Variants in EYA3 observed in about 807,000 individuals in gnomAD.
The protein encoded by EYA3 is protein phosphatase EYA3.
Under a neutral mutation model 80.0 loss-of-function variants are expected in EYA3, and 39 were observed. The ratio of observed to expected loss-of-function variants is 0.49; its 90% CI spans 0.38 to 0.64. EYA3 has a LOEUF of 0.64. Among genes scored for constraint, EYA3 ranks in the 30% least tolerant of loss-of-function variants. The pLI is 0.00. For missense variants in EYA3, 523 were observed against 676.1 expected (o/e 0.77, Z 2.51); for synonymous variants, 206 against 232.8 (o/e 0.88, Z 1.05).
intron 1 of EYA3, among the ~76,000 whole-genome samples, chr1:28,079,287 A>G (rs1373784024): frequency 6.6e-6 from 1 of 152,236 alleles, no homozygotes; most frequent in Non-Finnish European, 1.5e-5. Flanking sequence ...TTGTGATTAC[A>G]GGAAACGAAT....
chr1:28,045,893 A>C (rs12738734), intron 3 of EYA3, among the ~76,000 whole-genome samples: 27,236 of 152,176 alleles, frequency 0.18, 3,038 homozygotes, highest in East Asian at 0.24. Flanking sequence ...GAATGGATAA[A>C]GAAAATGCGG....
intron 1 of EYA3, among the ~76,000 whole-genome samples, chr1:28,088,004 A>C (rs1248929450): frequency 3.3e-5 from 5 of 152,208 alleles, no homozygotes; most frequent in Non-Finnish European, 7.3e-5. Flanking sequence ...GAAGAACCCC[A>C]GGAGAAGCAC....
chr1:27,987,644 A>G (rs1311500535), intron 16 of EYA3, among the ~76,000 whole-genome samples: 3 of 151,978 alleles, frequency 2.0e-5, no homozygotes, highest in Non-Finnish European at 2.9e-5. Context: ...AATCTTACCA[A>G]CAGTGCACAA....
intron 1 of EYA3, among the ~76,000 whole-genome samples, chr1:28,063,533 C>T (rs935845569): frequency 4.0e-5 from 6 of 151,312 alleles, no homozygotes; most frequent in Non-Finnish European, 7.4e-5. Context: ...ATTTTTGTAG[C>T]GATGGGGTTT....
intron 1 of EYA3, among the ~76,000 whole-genome samples, chr1:28,065,504 G>A (rs1436118279): frequency 2.6e-5 from 4 of 151,314 alleles, no homozygotes; most frequent in Admixed American, 1.3e-4. Flanking sequence ...ATCATGATCC[G>A]CCCGCCTCGG....
chr1:28,034,891 A>T (rs1051373120), intron 6 of EYA3, among the ~76,000 whole-genome samples: 3 of 152,206 alleles, frequency 2.0e-5, no homozygotes, highest in African/African-American at 7.2e-5. Context: ...AATGAAGCAC[A>T]CTGCATTTAC....
chr1:27,998,245 A>G, intron 12 of EYA3: 1 of 817,876 alleles, frequency 1.2e-6, no homozygotes. Flanking sequence ...GAAGCTCCCC[A>G]GGTGATTCTT....
At chr1:28,084,556 AATATATATATATATATAT>A (rs1553159800) in intron 1 of EYA3, among the ~76,000 whole-genome samples, 577 of 32,714 alleles carry the variant, frequency 0.018, 11 homozygotes, top group East Asian at 0.082. Context: ...ACTATTCCAA[AATATATATATATATATAT>A]ATATATATAT....
At chr1:28,008,312 T>G (rs1361942068) in intron 10 of EYA3, among the ~76,000 whole-genome samples, 3 of 152,042 alleles carry the variant, frequency 2.0e-5, no homozygotes, top group Admixed American at 6.6e-5. Context: ...ACAGCCTAAA[T>G]TTAAGAGCTA....
At chr1:28,072,487 T>C (rs1645051537) in intron 1 of EYA3, among the ~76,000 whole-genome samples, 1 of 152,024 alleles carries the variant, frequency 6.6e-6, no homozygotes, top group Non-Finnish European at 1.5e-5. Context: ...TATATATGTA[T>C]ATATGATACC....
chr1:28,043,388 T>C (rs548581973), intron 3 of EYA3, among the ~76,000 whole-genome samples: 1 of 150,826 alleles, frequency 6.6e-6, no homozygotes, highest in East Asian at 1.9e-4. Flanking sequence ...AATTCTGAAA[T>C]ATACAATGCT....
intron 4 of EYA3, among the ~76,000 whole-genome samples, chr1:28,041,656 A>G (rs1337829043): frequency 2.6e-5 from 4 of 152,034 alleles, no homozygotes; most frequent in Non-Finnish European, 4.4e-5. Flanking sequence ...CAAATGAACC[A>G]AAGTTTTTAT....
Position 28,058,105 on chromosome 1 carries a change from AAAG to A in EYA3, c.-68-14_-68-12del, listed in dbSNP as rs2148898952. ...AGCAGTTTTCACAATCTGTTTTTAA[AAAG>A]GAGGATTCAAAGCTTTATACACTCT... On this transcript the variant is annotated splice_polypyrimidine_tract_variant and intron_variant, in intron 1 of 17. Coordinates refer to ENST00000373871, the MANE Select transcript of EYA3 (RefSeq NM_001990.4). 3 of 1,223,814 alleles carry A rather than the reference AAAG, an allele frequency of 2.5e-6. No homozygotes were observed. In the East Asian group the frequency reaches 7.2e-5, roughly 30 times the overall value. The allele number at this position is 1,223,814 out of a possible 1,614,324, so 75.8% of individuals were successfully genotyped here. A position where few individuals can be genotyped will look rare whatever the true frequency, so the allele number is the denominator to read the frequency against.
intron 7 of EYA3, among the ~76,000 whole-genome samples, chr1:28,025,334 A>C (rs918806412): frequency 6.6e-6 from 1 of 152,224 alleles, no homozygotes; most frequent in African/African-American, 2.4e-5. Context: ...AAGTGAATTT[A>C]GATATTTGTT....
At chr1:28,003,299 A>G (rs1187208563) in intron 11 of EYA3, among the ~76,000 whole-genome samples, 1 of 151,420 alleles carries the variant, frequency 6.6e-6, no homozygotes, top group African/African-American at 2.4e-5. Flanking sequence ...AACAACAACA[A>G]CAACAACAAC....
intron 3 of EYA3, among the ~76,000 whole-genome samples, chr1:28,047,699 C>T (rs1257600431): frequency 2.0e-5 from 3 of 147,606 alleles, no homozygotes; most frequent in Non-Finnish European, 4.4e-5. Flanking sequence ...AGTGCAGTGG[C>T]GCGATCTCAG....
chr1:28,036,844 G>C (rs1234026519), intron 5 of EYA3, among the ~76,000 whole-genome samples: 1 of 152,012 alleles, frequency 6.6e-6, no homozygotes, highest in East Asian at 1.9e-4. Context: ...GTGTTTTAAA[G>C]GGGAAATTTT....
intron 13 of EYA3, among the ~76,000 whole-genome samples, chr1:27,996,081 C>T (rs913395611): frequency 1.3e-5 from 2 of 152,272 alleles, no homozygotes; most frequent in African/African-American, 4.8e-5. Flanking sequence ...CCATGTTAGC[C>T]AGGCTAGTCT....
intron 7 of EYA3, among the ~76,000 whole-genome samples, chr1:28,027,181 T>C (rs1472674791): frequency 6.6e-6 from 1 of 152,226 alleles, no homozygotes; most frequent in African/African-American, 2.4e-5. Flanking sequence ...ATTAACTCCA[T>C]AGTGCCTTTT....
Sources: allele counts gnomAD v4.1 joint callset (sites outside exome capture counted in the v4.1 genomes callset), GRCh38; gene constraint gnomAD v4.1.1; transcripts MANE v1.5; gene names NCBI Gene and HGNC (gene_info 2026-07-23, HGNC 2026-07-21).